Variants in SLMAP observed in about 807,000 individuals in gnomAD.
SLMAP encodes the protein sarcolemma associated protein.
SLMAP carries 44 observed loss-of-function variants against 128.8 expected under a neutral mutation model. The observed-to-expected ratio is 0.34, with a 90% CI of 0.27 to 0.44. SLMAP has a LOEUF of 0.44. Among genes scored for constraint, SLMAP ranks in the 20% least tolerant of loss-of-function variants. The pLI is 1.00. For synonymous variants in SLMAP, 327 were observed against 348.8 expected, an observed-to-expected ratio of 0.94 and a Z score of 0.70; for missense variants, 787 against 985.3, an observed-to-expected ratio of 0.80 and a Z score of 2.69.
chr3:57,848,351 A>C (rs1577538198), intron 5 of SLMAP, among the ~76,000 whole-genome samples: 2 of 124,038 alleles, frequency 1.6e-5, no homozygotes, highest in Admixed American at 9.1e-5. Flanking sequence ...TCTTCCTTTT[A>C]CTTTCTTCTT....
chr3:57,855,392 A>G (rs1449234675), intron 6 of SLMAP, among the ~76,000 whole-genome samples: 2 of 151,982 alleles, frequency 1.3e-5, no homozygotes, highest in Admixed American at 6.6e-5. Flanking sequence ...AAGAAAAGAA[A>G]AGAAAAGAAA....
chr3:57,906,801 A>T (rs2096581140), intron 17 of SLMAP, among the ~76,000 whole-genome samples: 1 of 151,530 alleles, frequency 6.6e-6, no homozygotes. Context: ...CCAAGGTGAT[A>T]CTCAAATAGA....
At position 57,782,055 on chromosome 3, in the gene SLMAP, C is replaced by T. The variant is rs186184983; in HGVS notation, c.198+24206C>T. On this transcript the variant is annotated intron_variant, in intron 2 of 24. Transcript: ENST00000671191. Reference sequence around the variant, plus strand: ...AAAGAAAGCATGTTTAGCATATCTCCGTTAGGTAAATTCAGATTTATACTC... The same window carrying T: ...AAAGAAAGCATGTTTAGCATATCTCTGTTAGGTAAATTCAGATTTATACTC... Among the ~76,000 whole-genome samples the T allele has an allele frequency of 9.9e-5, 15 of 152,184 alleles. No individual in the cohort carries two copies. In the East Asian group the frequency reaches 1.9e-3, roughly 20 times the overall value.
At chr3:57,878,011 T>A (rs941695107) in intron 14 of SLMAP, among the ~76,000 whole-genome samples, 6 of 151,594 alleles carry the variant, frequency 4.0e-5, no homozygotes, top group South Asian at 2.1e-4. Context: ...ATTTTTTTTT[T>A]AATGTATTTT....
chr3:57,848,628 C>T (rs983332566), intron 5 of SLMAP, among the ~76,000 whole-genome samples: 3 of 146,536 alleles, frequency 2.0e-5, no homozygotes, highest in Admixed American at 1.4e-4. Context: ...TTTTCTTCTT[C>T]TTCCTCTTCC....
At chr3:57,805,098 G>C (rs1420368175) in intron 2 of SLMAP, among the ~76,000 whole-genome samples, 1 of 152,090 alleles carries the variant, frequency 6.6e-6, no homozygotes, top group Non-Finnish European at 1.5e-5. Context: ...GCCCTTGACT[G>C]TTTCCCTGGC....
At chr3:57,778,897 C>T (rs1371738634) in intron 2 of SLMAP, among the ~76,000 whole-genome samples, 2 of 152,086 alleles carry the variant, frequency 1.3e-5, no homozygotes, top group Non-Finnish European at 2.9e-5. Context: ...GACATGGTTA[C>T]AATGCTGAAT....
chr3:57,867,013 A>G (rs942614352), intron 13 of SLMAP, among the ~76,000 whole-genome samples: 5 of 152,170 alleles, frequency 3.3e-5, no homozygotes, highest in Admixed American at 3.3e-4. Context: ...CCCTGTCTCT[A>G]CAAAAAATAC....
chr3:57,815,709 C>A (rs1411593296), intron 2 of SLMAP, among the ~76,000 whole-genome samples: 1 of 151,724 alleles, frequency 6.6e-6, no homozygotes, highest in Non-Finnish European at 1.5e-5. Context: ...TGGACTCAGA[C>A]AGTCCTCCCA....
Position 57,847,594 on chromosome 3 carries a change from A to G in SLMAP, c.456+361A>G, listed in dbSNP as rs1315878659. ...TAAATAGTTCACTCAACATTTCCCA[A>G]TACAGGGAGGTAATACAGAAATACA... On this transcript the variant is annotated intron_variant, in intron 5 of 24. Transcript: ENST00000671191. 2.6e-5 allele frequency among the ~76,000 whole-genome samples: 4 copies of G among 152,324 alleles called. 1 individual carries two copies. Among genetic ancestry groups the G allele is most frequent in the South Asian group, 4.1e-4 (2 of 4,830 alleles).
chr3:57,861,991 G>A lies in SLMAP; in HGVS notation c.871G>A (p.Glu291Lys). Residue 291 changes from glutamate (E) to lysine (K), a missense_variant, in exon 10 of 25, where the codon GAA becomes AAA. Around this residue, in one of 2 missense-constraint regions of SLMAP, gnomAD observed 715 missense variants for 843.6 expected, o/e 0.85. Transcript: ENST00000671191. ...TGAAGATGAATGTACCCATCTGAAA[G>A]AAATGAATGAAAGGACTCAGGAAGA... is the stretch of plus-strand genomic sequence containing the variant. ...NTEDECTHLK[E>K]MNERTQEELR... is the part of the protein sequence containing the mutation. The A allele has an allele frequency of 6.2e-7, 1 of 1,611,640 alleles. No homozygotes were observed. The highest frequency in any genetic ancestry group is 8.5e-7 in the Non-Finnish European group (1 of 1,177,966).
intron 2 of SLMAP, among the ~76,000 whole-genome samples, chr3:57,813,183 C>T (rs774549139): frequency 1.3e-5 from 2 of 151,502 alleles, no homozygotes; most frequent in Non-Finnish European, 2.9e-5. Flanking sequence ...GTAACCTCCA[C>T]CTCCCGAGTT....
chr3:57,771,700 G>A (rs1172850929), intron 2 of SLMAP, among the ~76,000 whole-genome samples: 1 of 152,104 alleles, frequency 6.6e-6, no homozygotes, highest in Non-Finnish European at 1.5e-5. Flanking sequence ...CTTATTTTTT[G>A]TAAATGTGCT....
At chr3:57,886,126 T>G (rs1575732335) in intron 14 of SLMAP, among the ~76,000 whole-genome samples, 1 of 128,482 alleles carries the variant, frequency 7.8e-6, no homozygotes, top group African/African-American at 3.0e-5. Flanking sequence ...TTTTTTGAGA[T>G]GGAGTCTCGC....
At chr3:57,821,210 C>G (rs886658966) in intron 2 of SLMAP, among the ~76,000 whole-genome samples, 2 of 152,194 alleles carry the variant, frequency 1.3e-5, no homozygotes, top group African/African-American at 4.8e-5. Context: ...AGAGACTTAT[C>G]TCAGTTCCCA....
chr3:57,794,621 A>G (rs2086294708), intron 2 of SLMAP, among the ~76,000 whole-genome samples: 1 of 152,116 alleles, frequency 6.6e-6, no homozygotes, highest in Non-Finnish European at 1.5e-5. Flanking sequence ...CCTGGCAACC[A>G]CTAATCTGCT....
intron 15 of SLMAP, among the ~76,000 whole-genome samples, chr3:57,892,157 G>T (rs1003107610): frequency 2.6e-5 from 4 of 152,144 alleles, no homozygotes; most frequent in African/African-American, 9.7e-5. Context: ...TAACAAACCA[G>T]ATGGCTGAAA....
intron 2 of SLMAP, among the ~76,000 whole-genome samples, chr3:57,781,243 A>G (rs1576392356): frequency 6.6e-6 from 1 of 152,126 alleles, no homozygotes; most frequent in East Asian, 1.9e-4. Flanking sequence ...AATATTAGAT[A>G]AGATTTTCTT....
chr3:57,843,512 C>A (rs866299775), intron 4 of SLMAP, among the ~76,000 whole-genome samples: 1 of 150,800 alleles, frequency 6.6e-6, no homozygotes. Flanking sequence ...TACCATGTTG[C>A]CCAGGCTGCT....
Sources: allele counts gnomAD v4.1 joint callset (sites outside exome capture counted in the v4.1 genomes callset), GRCh38; gene constraint gnomAD v4.1.1; regional missense constraint gnomAD v4.1.1; transcripts MANE v1.5; gene names NCBI Gene and HGNC (gene_info 2026-07-23, HGNC 2026-07-21).